Variants in GALNT17 observed in about 807,000 individuals in gnomAD.
GALNT17 encodes polypeptide N-acetylgalactosaminyltransferase 17.
In GALNT17, 29 loss-of-function variants were observed where a neutral mutation model predicts 63.7. That is an observed-to-expected ratio of 0.46 (90% CI 0.34 to 0.62). The LOEUF is 0.62. GALNT17 is among the 20% of genes least tolerant of loss of function. GALNT17 has a pLI of 0.01. For synonymous variants in GALNT17, 305 were observed against 318.3 expected, an observed-to-expected ratio of 0.96 and a Z score of 0.45; for missense variants, 603 against 799.6, an observed-to-expected ratio of 0.75 and a Z score of 2.97.
chr7:71,487,816 G>A (rs1330630849), intron 5 of GALNT17, among the ~76,000 whole-genome samples: 1 of 152,090 alleles, frequency 6.6e-6, no homozygotes, highest in Admixed American at 6.6e-5. Context: ...TGACATCCTG[G>A]TCCAGGTACT....
chr7:71,370,884 G>T (rs1298879773), intron 2 of GALNT17, among the ~76,000 whole-genome samples: 1 of 152,034 alleles, frequency 6.6e-6, no homozygotes, highest in East Asian at 1.9e-4. Context: ...GAGATTACAG[G>T]CATGAACCAC....
intron 2 of GALNT17, among the ~76,000 whole-genome samples, chr7:71,360,397 C>T (rs2116226411): frequency 6.6e-6 from 1 of 152,158 alleles, no homozygotes; most frequent in South Asian, 2.1e-4. Flanking sequence ...AGCAAGAAAC[C>T]CAGAAGGAAG....
At chr7:71,523,509 G>A (rs12670232) in intron 5 of GALNT17, among the ~76,000 whole-genome samples, 29,868 of 151,742 alleles carry the variant, frequency 0.2, 2,999 homozygotes, top group Middle Eastern at 0.32. Flanking sequence ...AATCCCAGCT[G>A]TTTGGGAGGC....
intron 5 of GALNT17, among the ~76,000 whole-genome samples, chr7:71,436,785 T>G (rs1786973445): frequency 6.6e-6 from 1 of 151,856 alleles, no homozygotes; most frequent in African/African-American, 2.4e-5. Flanking sequence ...AGACCCCAAA[T>G]GCAAACTCTG....
chr7:71,188,909 A>T (rs1788900837), intron 1 of GALNT17, among the ~76,000 whole-genome samples: 1 of 152,142 alleles, frequency 6.6e-6, no homozygotes, highest in African/African-American at 2.4e-5. Flanking sequence ...TTTTCTGGAG[A>T]GGCAGCCCAG....
chr7:71,425,874 G>A (rs1786750280), intron 5 of GALNT17, among the ~76,000 whole-genome samples: 1 of 152,132 alleles, frequency 6.6e-6, no homozygotes, highest in Non-Finnish European at 1.5e-5. Flanking sequence ...GATTCAGCAG[G>A]CTGTACTGGA....
At chr7:71,677,430 T>C (rs925037298) in intron 9 of GALNT17, 124 bp downstream of exon 9, 10 of 929,710 alleles carry the variant, frequency 1.1e-5, no homozygotes, top group Non-Finnish European at 1.6e-5. Flanking sequence ...CTGAGAAAAA[T>C]TTTTAAGAAG....
chr7:71,151,519 G>T (rs968490731), intron 1 of GALNT17, among the ~76,000 whole-genome samples: 1 of 151,874 alleles, frequency 6.6e-6, no homozygotes, highest in Admixed American at 6.6e-5. Context: ...TACTCGGGAG[G>T]CTGAGGCAGG....
At chr7:71,149,622 A>T (rs1438998385) in intron 1 of GALNT17, among the ~76,000 whole-genome samples, 2 of 152,222 alleles carry the variant, frequency 1.3e-5, no homozygotes, top group Non-Finnish European at 2.9e-5. Context: ...ATGCTGTGCG[A>T]GCTGTAAATC....
At chr7:71,671,218 A>T (rs1348859161) in intron 8 of GALNT17, among the ~76,000 whole-genome samples, 3 of 152,050 alleles carry the variant, frequency 2.0e-5, no homozygotes, top group Non-Finnish European at 4.4e-5. Context: ...CTCCCTTGTG[A>T]TGCCTGTTTG....
chr7:71,413,337 C>T (rs2116427173), intron 3 of GALNT17, among the ~76,000 whole-genome samples: 1 of 152,068 alleles, frequency 6.6e-6, no homozygotes, highest in East Asian at 1.9e-4. Flanking sequence ...CCTCATTTAC[C>T]TTATAATATT....
intron 5 of GALNT17, among the ~76,000 whole-genome samples, chr7:71,431,705 A>G (rs1333876995): frequency 6.6e-6 from 1 of 151,760 alleles, no homozygotes; most frequent in African/African-American, 2.4e-5. Context: ...GCTGGAGGAG[A>G]TTTTTACCGG....
chr7:71,442,588 T>C (rs1787087821), intron 5 of GALNT17, among the ~76,000 whole-genome samples: 1 of 152,206 alleles, frequency 6.6e-6, no homozygotes, highest in African/African-American at 2.4e-5. Flanking sequence ...TTTCCTTTTT[T>C]GGCTGCCAAC....
At chr7:71,238,663 T>C (rs1789939156) in intron 1 of GALNT17, among the ~76,000 whole-genome samples, 1 of 152,190 alleles carries the variant, frequency 6.6e-6, no homozygotes, top group Admixed American at 6.5e-5. Context: ...AAATGGTGCC[T>C]CTCTCTGTGT....
intron 6 of GALNT17, among the ~76,000 whole-genome samples, chr7:71,579,569 A>C (rs1036477669): frequency 4.6e-5 from 7 of 152,208 alleles, no homozygotes; most frequent in Non-Finnish European, 8.8e-5. Flanking sequence ...AAGAATTCTA[A>C]AGTGAGTTTA....
At chr7:71,580,918 T>C (rs1407463178) in intron 6 of GALNT17, among the ~76,000 whole-genome samples, 2 of 152,130 alleles carry the variant, frequency 1.3e-5, no homozygotes, top group Non-Finnish European at 2.9e-5. Flanking sequence ...ACCGGTGCCC[T>C]TTAGGAGGTG....
intron 1 of GALNT17, among the ~76,000 whole-genome samples, chr7:71,221,750 CTTTG>C (rs1418172640): frequency 6.6e-6 from 1 of 152,074 alleles, no homozygotes; most frequent in African/African-American, 2.4e-5. Flanking sequence ...TCATTTTTAA[CTTTG>C]TGTTTTGAAA....
intron 1 of GALNT17, among the ~76,000 whole-genome samples, chr7:71,248,200 G>A (rs2116483411): frequency 1.3e-5 from 2 of 152,276 alleles, no homozygotes; most frequent in South Asian, 2.1e-4. Context: ...GAGAGAGAGA[G>A]CACAGGAAAC....
chr7:71,523,733 C>A (rs1352921511), intron 5 of GALNT17, among the ~76,000 whole-genome samples: 1 of 146,860 alleles, frequency 6.8e-6, no homozygotes, highest in Non-Finnish European at 1.5e-5. Context: ...CAGAGCAAGA[C>A]CCTGTCTCAA....
Sources: gnomAD v4.1 joint callset for allele counts (sites outside exome capture counted in the v4.1 genomes callset) on GRCh38, gnomAD v4.1.1 for gene constraint, MANE v1.5 for transcripts, NCBI Gene and HGNC (gene_info 2026-07-23, HGNC 2026-07-21) for gene names.